Variants in UNC13C observed in about 807,000 individuals in gnomAD.
UNC13C encodes protein unc-13 homolog C.
In UNC13C, 174 loss-of-function variants were observed where a neutral mutation model predicts 245.4. The ratio of observed to expected loss-of-function variants is 0.71; its 90% CI spans 0.63 to 0.80. UNC13C has a LOEUF of 0.80. Among genes scored for constraint, UNC13C ranks in the 30% least tolerant of loss-of-function variants. The pLI is 0.00. For synonymous variants in UNC13C, 992 were observed against 895.1 expected (o/e 1.11, Z -1.93); for missense variants, 2,829 against 2,602.9 (o/e 1.09, Z -1.89).
At chr15:54,161,082 T>A (rs1057336508) in intron 4 of UNC13C, among the ~76,000 whole-genome samples, 30 of 152,090 alleles carry the variant, frequency 2.0e-4, no homozygotes. Flanking sequence ...AAAAGAAATA[T>A]TACCTTTTTT....
intron 2 of UNC13C, among the ~76,000 whole-genome samples, chr15:54,094,615 A>G (rs1899751630): frequency 6.6e-6 from 1 of 152,170 alleles, no homozygotes; most frequent in African/African-American, 2.4e-5. Flanking sequence ...TTAGATGACA[A>G]CTTGAGCAGA....
At chr15:54,445,429 G>T (rs1337468153) in intron 19 of UNC13C, among the ~76,000 whole-genome samples, 1 of 150,650 alleles carries the variant, frequency 6.6e-6, no homozygotes, top group Admixed American at 6.6e-5. Context: ...TGGTGTAAAA[G>T]TGTTCCTATT....
Position 54,322,032 on chromosome 15 carries a change from C to T in UNC13C, c.4362C>T (p.His1454=). The T allele has an allele frequency of 6.3e-7, 1 of 1,591,782 alleles. No homozygotes were observed. Among genetic ancestry groups the T allele is most frequent in the South Asian group, 1.1e-5 (1 of 87,752 alleles). Residue 1454 remains histidine, a synonymous_variant, in exon 14 of 33, where the codon CAC becomes CAT. Coordinates refer to ENST00000260323, the MANE Select transcript of UNC13C (RefSeq NM_001080534.3). ...CTAATATAAATGCTTTTTATGCTCACACAACAGTTTCAACAAACATACAGG... is the reference window on the plus strand; with the variant it reads ...CTAATATAAATGCTTTTTATGCTCATACAACAGTTTCAACAAACATACAGG... The part of the protein sequence containing the change: ...LLANINAFYA[H]TTVSTNIQVS...
At position 54,234,420 on chromosome 15, in the gene UNC13C, C is replaced by T. The variant is rs539276583; in HGVS notation, c.3072-610C>T. ...TGCTATTGATGAACATGTAAATAAC[C>T]TAGCTTTTATTGCTATTATTTAAAG... On this transcript the variant is annotated intron_variant, in intron 4 of 32. Transcript: ENST00000260323. Among the ~76,000 whole-genome samples, 27 of 152,114 alleles carry T rather than the reference C, an allele frequency of 1.8e-4. 1 individual carries two copies. The South Asian group carries it at 5.6e-3, about 32-fold the overall frequency.
chr15:53,927,486 TG>T, the UNC13C span, among the ~76,000 whole-genome samples: 1 of 151,890 alleles, frequency 6.6e-6, no homozygotes, highest in Non-Finnish European at 1.5e-5. Flanking sequence ...GACTGTAGAG[TG>T]TAAGGGAGAA....
At chr15:54,177,342 C>T (rs994661733) in intron 4 of UNC13C, among the ~76,000 whole-genome samples, 1 of 152,084 alleles carries the variant, frequency 6.6e-6, no homozygotes, top group Non-Finnish European at 1.5e-5. Context: ...AGGTTCTTTA[C>T]AAGTTAAGAC....
the UNC13C span, among the ~76,000 whole-genome samples, chr15:53,918,750 C>T: frequency 6.6e-6 from 1 of 152,150 alleles, no homozygotes; most frequent in South Asian, 2.1e-4. Flanking sequence ...ATTCTGAAGC[C>T]GGATGCTTCT....
At chr15:54,025,958 T>G (rs534506727) in intron 2 of UNC13C, among the ~76,000 whole-genome samples, 1 of 152,324 alleles carries the variant, frequency 6.6e-6, no homozygotes, top group African/African-American at 2.4e-5. Flanking sequence ...TTAATGCCTT[T>G]TCTGATGCTG....
At chr15:54,097,522 C>A (rs1451678542) in intron 2 of UNC13C, among the ~76,000 whole-genome samples, 1 of 152,112 alleles carries the variant, frequency 6.6e-6, no homozygotes, top group African/African-American at 2.4e-5. Flanking sequence ...TAATTTATTT[C>A]TCCTTTAACT....
rs1018334494 is a variant in UNC13C, at chr15:54,158,543, T to A, written c.3071+14859T>A. Reference sequence around the variant, plus strand: ...ACTATGTTAGCTAGGATGGTCTTGATCTCCTGACCTCGTGATCCACACGCC... The same window carrying A: ...ACTATGTTAGCTAGGATGGTCTTGAACTCCTGACCTCGTGATCCACACGCC... On this transcript the variant is annotated intron_variant, in intron 4 of 32. Transcript: ENST00000260323. Among the ~76,000 whole-genome samples, 6 of 151,532 alleles carry A rather than the reference T, an allele frequency of 4.0e-5. No homozygotes were observed. In the South Asian group the frequency reaches 1.3e-3, roughly 32 times the overall value.
At chr15:54,325,026 A>T (rs568245727) in intron 14 of UNC13C, among the ~76,000 whole-genome samples, 1 of 151,996 alleles carries the variant, frequency 6.6e-6, no homozygotes, top group Non-Finnish European at 1.5e-5. Context: ...GTGGCCCAAG[A>T]CAATTCTTCT....
At chr15:54,087,558 C>G (rs1899313116) in intron 2 of UNC13C, among the ~76,000 whole-genome samples, 1 of 152,030 alleles carries the variant, frequency 6.6e-6, no homozygotes, top group African/African-American at 2.4e-5. Flanking sequence ...TATGCATTGC[C>G]AAAGATTCCC....
Position 54,549,652 on chromosome 15 carries a change from C to G in UNC13C, c.5838C>G (p.Phe1946Leu). 6.2e-7 allele frequency: 1 copy of G among 1,604,780 alleles called. No individual in the cohort carries two copies. Among genetic ancestry groups the G allele is most frequent in the Non-Finnish European group, 8.5e-7 (1 of 1,175,858 alleles). ...GTTTCTAGGGACCCCAGATGATTTT[C>G]ATTGCAGCTAAAGATCTTGGACAAT... is the stretch of plus-strand genomic sequence containing the variant. ...LTDQTGPQMI[F>L]IAAKDLGQLS... Residue 1946 changes from phenylalanine to leucine, a missense_variant, in exon 28 of 33, where the codon TTC becomes TTG. Physicochemically the swap from Phe to Leu is conservative, Grantham distance 22. Coordinates refer to ENST00000260323, the MANE Select transcript of UNC13C (RefSeq NM_001080534.3).
At chr15:54,379,393 T>A (rs2140896390) in intron 17 of UNC13C, among the ~76,000 whole-genome samples, 1 of 152,296 alleles carries the variant, frequency 6.6e-6, no homozygotes, top group South Asian at 2.1e-4. Context: ...AGCAAACTCA[T>A]GACTGATACT....
intron 4 of UNC13C, among the ~76,000 whole-genome samples, chr15:54,198,556 G>A (rs980376399): frequency 3.3e-5 from 5 of 152,140 alleles, no homozygotes; most frequent in African/African-American, 1.2e-4. Flanking sequence ...ACACTCCCCA[G>A]TACCAACCCA....
chr15:54,216,743 T>C (rs1167491259), intron 4 of UNC13C, among the ~76,000 whole-genome samples: 2 of 151,996 alleles, frequency 1.3e-5, no homozygotes, highest in Non-Finnish European at 2.9e-5. Flanking sequence ...TAATATTCTA[T>C]GCCCTATTTA....
intron 13 of UNC13C, among the ~76,000 whole-genome samples, chr15:54,310,293 T>C (rs1467238720): frequency 6.6e-6 from 1 of 151,912 alleles, no homozygotes; most frequent in Non-Finnish European, 1.5e-5. Context: ...TTGCCTTGGC[T>C]GTAACTACAC....
At chr15:54,550,694 C>T (rs1896696794) in intron 28 of UNC13C, among the ~76,000 whole-genome samples, 2 of 152,140 alleles carry the variant, frequency 1.3e-5, no homozygotes, top group African/African-American at 4.8e-5. Flanking sequence ...AATTGTCACC[C>T]ACACATGTTC....
intron 2 of UNC13C, among the ~76,000 whole-genome samples, chr15:54,126,802 T>C (rs2031074385): frequency 6.6e-6 from 1 of 152,130 alleles, no homozygotes; most frequent in South Asian, 2.1e-4. Flanking sequence ...ATTTTTGCAA[T>C]CTATCCATCT....
Sources: allele counts gnomAD v4.1 joint callset (sites outside exome capture counted in the v4.1 genomes callset), GRCh38; gene constraint gnomAD v4.1.1; transcripts MANE v1.5; gene names NCBI Gene and HGNC (gene_info 2026-07-23, HGNC 2026-07-21).